The following HHAT variants were observed in gnomAD, a reference collection of about 807,000 sequenced individuals.
The protein encoded by HHAT is hedgehog acyltransferase, also known as protein-cysteine N-palmitoyltransferase HHAT.
Under a neutral mutation model 70.8 loss-of-function variants are expected in HHAT, and 47 were observed. The observed-to-expected ratio is 0.66, with a 90% CI of 0.53 to 0.85. The LOEUF (loss-of-function observed/expected upper bound fraction) is 0.85, where lower values mean the gene tolerates loss of function less well. Among genes scored for constraint, HHAT ranks in the 40% least tolerant of loss-of-function variants. The pLI, the probability that HHAT is intolerant of heterozygous loss-of-function variation, is 0.00. For missense variants in HHAT, 609 were observed against 604.8 expected, an observed-to-expected ratio of 1.01 and a Z score of -0.07; for synonymous variants, 228 against 247.6, an observed-to-expected ratio of 0.92 and a Z score of 0.74.
At chr1:210,603,537 A>G (rs1226674671) in intron 10 of HHAT, among the ~76,000 whole-genome samples, 1 of 152,200 alleles carries the variant, frequency 6.6e-6, no homozygotes, top group Non-Finnish European at 1.5e-5. Flanking sequence ...GGAGGTGACA[A>G]AGCTTGAATT....
At chr1:210,493,615 G>C (rs2094585242) in intron 8 of HHAT, among the ~76,000 whole-genome samples, 2 of 152,144 alleles carry the variant, frequency 1.3e-5, no homozygotes, top group Non-Finnish European at 2.9e-5. Flanking sequence ...AATCATCCCA[G>C]GTCTGGAGTA....
intron 10 of HHAT, among the ~76,000 whole-genome samples, chr1:210,597,090 G>T (rs1043591140): frequency 2.0e-5 from 3 of 152,316 alleles, no homozygotes; most frequent in African/African-American, 7.2e-5. Context: ...ACTCATAGAA[G>T]TACTATCTTG....
intron 9 of HHAT, among the ~76,000 whole-genome samples, chr1:210,534,897 C>G (rs1289827760): frequency 6.6e-6 from 1 of 152,166 alleles, no homozygotes; most frequent in African/African-American, 2.4e-5. Flanking sequence ...ATTGTACCTC[C>G]TGTGTCTAAC....
intron 7 of HHAT, among the ~76,000 whole-genome samples, chr1:210,445,815 C>T (rs567476612): frequency 6.6e-6 from 1 of 152,100 alleles, no homozygotes; most frequent in Admixed American, 6.5e-5. Flanking sequence ...CTGGATTCTC[C>T]TTCCCTGCTA....
intron 8 of HHAT, among the ~76,000 whole-genome samples, chr1:210,485,887 G>A (rs1189457563): frequency 1.3e-5 from 2 of 152,146 alleles, no homozygotes; most frequent in African/African-American, 4.8e-5. Context: ...AACCATGTCA[G>A]TCTCAGACTG....
intron 7 of HHAT, among the ~76,000 whole-genome samples, chr1:210,444,224 G>A (rs1228606661): frequency 3.3e-5 from 2 of 61,172 alleles, no homozygotes; most frequent in Non-Finnish European, 6.6e-5. Flanking sequence ...TAAGCTTTTT[G>A]ATGTGCTGCT....
chr1:210,601,709 A>G (rs1204108663), intron 10 of HHAT, among the ~76,000 whole-genome samples: 1 of 152,196 alleles, frequency 6.6e-6, no homozygotes, highest in Admixed American at 6.5e-5. Context: ...GAGTACTCAT[A>G]TTATGATGAC....
At position 210,623,553 on chromosome 1, in the gene HHAT, C is replaced by A; in HGVS notation, c.1273C>A (p.Arg425Ser). The A allele has an allele frequency of 2.5e-6, 4 of 1,614,018 alleles. No homozygotes were observed. Among genetic ancestry groups the A allele is most frequent in the Non-Finnish European group, 3.4e-6 (4 of 1,179,990 alleles). The change falls in exon 11 of 12, where the codon CGT becomes AGT. Residue 425 changes from arginine to serine, a missense_variant. Coordinates refer to ENST00000261458, the MANE Select transcript of HHAT (RefSeq NM_018194.6). The part of the protein sequence containing the change: ...LARYFSPQAR[R>S]RFHAALASCS... ...CCGATACTTCTCCCCACAAGCTCGC[C>A]GTCGATTCCACGCTGCCCTTGCTTC... is the stretch of plus-strand genomic sequence containing the variant.
At chr1:210,524,630 A>T (rs1042793841) in intron 9 of HHAT, among the ~76,000 whole-genome samples, 1 of 152,154 alleles carries the variant, frequency 6.6e-6, no homozygotes, top group African/African-American at 2.4e-5. Flanking sequence ...GGAGCACTTG[A>T]AGGGTTTTAA....
intron 8 of HHAT, among the ~76,000 whole-genome samples, chr1:210,470,325 T>A (rs1306147716): frequency 6.6e-6 from 1 of 152,140 alleles, no homozygotes; most frequent in Non-Finnish European, 1.5e-5. Context: ...CTCACAGAGC[T>A]CTTATTCGTT....
chr1:210,624,931 C>G (rs1018594335), intron 11 of HHAT, among the ~76,000 whole-genome samples: 4 of 152,298 alleles, frequency 2.6e-5, no homozygotes, highest in Middle Eastern at 3.4e-3. Context: ...CCCATTATCT[C>G]CACATCTGGG....
At chr1:210,642,359 A>G (rs1040370887) in intron 11 of HHAT, among the ~76,000 whole-genome samples, 1 of 152,090 alleles carries the variant, frequency 6.6e-6, no homozygotes, top group Non-Finnish European at 1.5e-5. Flanking sequence ...CCTTGTACAT[A>G]TTTCTGTTGA....
At chr1:210,647,220 T>C (rs906525543) in intron 11 of HHAT, among the ~76,000 whole-genome samples, 1 of 152,218 alleles carries the variant, frequency 6.6e-6, no homozygotes, top group East Asian at 1.9e-4. Context: ...CTCCTGTCTG[T>C]CTTTTCTTCT....
At chr1:210,539,528 G>C (rs1401276012) in intron 9 of HHAT, among the ~76,000 whole-genome samples, 1 of 152,172 alleles carries the variant, frequency 6.6e-6, no homozygotes, top group East Asian at 1.9e-4. Context: ...TTTAAGATCT[G>C]GTAAACAGGG....
intron 8 of HHAT, among the ~76,000 whole-genome samples, chr1:210,507,368 T>TC (rs1323686237): frequency 1.3e-5 from 2 of 148,710 alleles, no homozygotes; most frequent in Non-Finnish European, 3.0e-5. Flanking sequence ...TCTTTTTTTT[T>TC]TTTTTTTTTT....
intron 9 of HHAT, among the ~76,000 whole-genome samples, chr1:210,553,191 G>C (rs1175223484): frequency 9.2e-5 from 14 of 152,154 alleles, no homozygotes; most frequent in Admixed American, 9.2e-4. Flanking sequence ...CAGGAAGAGG[G>C]GACCAAGGCT....
intron 11 of HHAT, among the ~76,000 whole-genome samples, chr1:210,631,587 G>A (rs1558315116): frequency 6.6e-6 from 1 of 152,228 alleles, no homozygotes. Context: ...AGAAAGCAGT[G>A]GAAAGAGGAA....
At chr1:210,418,779 T>C (rs917557734) in intron 7 of HHAT, among the ~76,000 whole-genome samples, 4 of 152,162 alleles carry the variant, frequency 2.6e-5, no homozygotes, top group African/African-American at 9.7e-5. Context: ...ATGCCTGTAA[T>C]CCAAGCACTT....
chr1:210,462,891 C>CCT (rs2094008599), intron 7 of HHAT: 1 of 152,208 alleles, frequency 6.6e-6, no homozygotes, highest in South Asian at 2.1e-4. Context: ...TCTGCTAGTA[C>CCT]CTCTCTGAAG....
Sources: gnomAD v4.1 joint callset for allele counts (sites outside exome capture counted in the v4.1 genomes callset) on GRCh38, gnomAD v4.1.1 for gene constraint, MANE v1.5 for transcripts, NCBI Gene and HGNC (gene_info 2026-07-23, HGNC 2026-07-21) for gene names.